The following GRIP1 variants were observed in gnomAD, a reference collection of about 807,000 sequenced individuals.
The protein encoded by GRIP1 is glutamate receptor-interacting protein 1.
Under a neutral mutation model 129.9 loss-of-function variants are expected in GRIP1, and 45 were observed. The observed-to-expected ratio is 0.35, with a 90% CI of 0.27 to 0.44. GRIP1 has a LOEUF of 0.44. Among genes scored for constraint, GRIP1 ranks in the 20% least tolerant of loss-of-function variants. GRIP1 has a pLI of 1.00. For synonymous variants in GRIP1, 530 were observed against 520.8 expected (o/e 1.02, Z -0.24); for missense variants, 1,196 against 1,396.8 (o/e 0.86, Z 2.29).
At chr12:66,811,988 G>A (rs1689750330) in intron 1 of GRIP1, among the ~76,000 whole-genome samples, 1 of 151,580 alleles carries the variant, frequency 6.6e-6, no homozygotes, top group Non-Finnish European at 1.5e-5. Context: ...CATTTCTTTG[G>A]CCCCCAATCC....
chr12:66,391,147 C>T (rs2056570355), intron 19 of GRIP1, among the ~76,000 whole-genome samples: 1 of 152,158 alleles, frequency 6.6e-6, no homozygotes, highest in African/African-American at 2.4e-5. Flanking sequence ...AAACTGGATA[C>T]AGACACTCCT....
chr12:66,741,718 T>G (rs989511238), intron 1 of GRIP1, among the ~76,000 whole-genome samples: 2 of 152,236 alleles, frequency 1.3e-5, no homozygotes, highest in African/African-American at 4.8e-5. Flanking sequence ...GTATGTATTC[T>G]GTACTTACAG....
At chr12:66,846,836 G>T (rs1025013997) in intron 1 of GRIP1, among the ~76,000 whole-genome samples, 1 of 152,148 alleles carries the variant, frequency 6.6e-6, no homozygotes, top group African/African-American at 2.4e-5. Context: ...AGAGGAAGAG[G>T]GGGGACCTGT....
chr12:66,950,609 A>C (rs2041741419), intron 1 of GRIP1, among the ~76,000 whole-genome samples: 2 of 152,192 alleles, frequency 1.3e-5, no homozygotes. Context: ...ACAGAATAGA[A>C]ACCAGTAGAA....
intron 1 of GRIP1, among the ~76,000 whole-genome samples, chr12:66,693,910 C>A (rs1426456661): frequency 6.6e-6 from 1 of 152,154 alleles, no homozygotes; most frequent in Admixed American, 6.5e-5. Flanking sequence ...TGATTGCACT[C>A]AAATTTGGCA....
chr12:66,565,401 T>C (rs934752713), intron 2 of GRIP1, among the ~76,000 whole-genome samples: 13 of 152,236 alleles, frequency 8.5e-5, no homozygotes, highest in Non-Finnish European at 1.5e-5. Context: ...CATTTCTTGT[T>C]TTTGTCAGGT....
intron 2 of GRIP1, among the ~76,000 whole-genome samples, chr12:66,585,148 T>A (rs963043624): frequency 4.7e-5 from 7 of 149,916 alleles, no homozygotes; most frequent in South Asian, 2.2e-4. Context: ...CATGTGCACA[T>A]TGTGCAGGTT....
intron 2 of GRIP1, chr12:66,567,645 A>G (rs1226011261): frequency 4.6e-6 from 1 of 215,872 alleles, no homozygotes; most frequent in Non-Finnish European, 1.0e-5. Flanking sequence ...CATTATAGAC[A>G]TCTTCTTGGT....
chr12:67,009,782 T>C (rs965533547), intron 1 of GRIP1, among the ~76,000 whole-genome samples: 2 of 152,166 alleles, frequency 1.3e-5, no homozygotes, highest in Admixed American at 6.6e-5. Context: ...GACAGATACA[T>C]GAGTGTGGGA....
intron 1 of GRIP1, among the ~76,000 whole-genome samples, chr12:66,673,850 T>C (rs1266782038): frequency 6.6e-6 from 1 of 152,142 alleles, no homozygotes; most frequent in African/African-American, 2.4e-5. Context: ...GCCCTAGCAA[T>C]AGATGAAACT....
chr12:66,639,082 T>C (rs1181246802), intron 1 of GRIP1, among the ~76,000 whole-genome samples: 1 of 152,174 alleles, frequency 6.6e-6, no homozygotes, highest in Admixed American at 6.6e-5. Flanking sequence ...ATGGCATTAT[T>C]ATTAGTAGCA....
At chr12:66,769,783 A>C (rs1190341161) in intron 1 of GRIP1, among the ~76,000 whole-genome samples, 4 of 152,110 alleles carry the variant, frequency 2.6e-5, no homozygotes, top group Admixed American at 2.6e-4. Flanking sequence ...ACCTACTTCT[A>C]CCTCTACACC....
In GRIP1 at chr12:66,499,338, T is replaced by C. The variant is rs116249090; in HGVS notation, c.724+16281A>G. On this transcript the variant is annotated intron_variant, in intron 7 of 24. Transcript: ENST00000359742. ...AGGTTATCATGAGGATAAAATATGATGAAGATTATAAAAGTGCATATTAAA... is the reference window on the plus strand; with the variant it reads ...AGGTTATCATGAGGATAAAATATGACGAAGATTATAAAAGTGCATATTAAA... Among the ~76,000 whole-genome samples, 1,506 of 152,334 alleles carry C rather than the reference T, an allele frequency of 9.9e-3. 23 individuals are homozygous for C. The highest frequency in any genetic ancestry group is 0.033 in the African/African-American group (1,353 of 41,572).
At chr12:66,831,624 T>TA (rs2039520232) in intron 1 of GRIP1, among the ~76,000 whole-genome samples, 2 of 152,220 alleles carry the variant, frequency 1.3e-5, no homozygotes, top group African/African-American at 4.8e-5. Context: ...TCTGAGAGGT[T>TA]AAATAACTTT....
intron 23 of GRIP1, among the ~76,000 whole-genome samples, chr12:66,362,399 C>T (rs1045726601): frequency 1.3e-5 from 2 of 151,640 alleles, no homozygotes; most frequent in Non-Finnish European, 2.9e-5. Context: ...ATGATCCACC[C>T]GCCTTGGCCT....
chr12:66,445,233 G>T, intron 12 of GRIP1, 89 bp downstream of exon 12: 1 of 1,021,736 alleles, frequency 9.8e-7, no homozygotes, highest in African/African-American at 1.6e-5. Context: ...CCTGCATTGA[G>T]CAATGTTTCA....
At chr12:66,499,592 A>G (rs2060331092) in intron 7 of GRIP1, among the ~76,000 whole-genome samples, 1 of 152,200 alleles carries the variant, frequency 6.6e-6, no homozygotes, top group Non-Finnish European at 1.5e-5. Context: ...ACACACACAG[A>G]TAACTATAGT....
intron 1 of GRIP1, among the ~76,000 whole-genome samples, chr12:66,851,605 A>G (rs1410786761): frequency 6.6e-6 from 1 of 152,054 alleles, no homozygotes; most frequent in South Asian, 2.1e-4. Context: ...CAGTTCAGTG[A>G]CCTGGGCATG....
At chr12:66,672,325 T>C (rs940217390) in intron 1 of GRIP1, among the ~76,000 whole-genome samples, 5 of 152,198 alleles carry the variant, frequency 3.3e-5, no homozygotes, top group Non-Finnish European at 7.3e-5. Context: ...TCTTTCTCAC[T>C]TTCTAATACC....
Sources: gnomAD v4.1 joint callset for allele counts (sites outside exome capture counted in the v4.1 genomes callset) on GRCh38, gnomAD v4.1.1 for gene constraint, MANE v1.5 for transcripts, NCBI Gene and HGNC (gene_info 2026-07-23, HGNC 2026-07-21) for gene names.